The following USP12 variants were observed in gnomAD, a reference collection of about 807,000 sequenced individuals.
USP12 encodes the protein ubiquitin carboxyl-terminal hydrolase 12.
Under a neutral mutation model 45.5 loss-of-function variants are expected in USP12, and 19 were observed. The ratio of observed to expected loss-of-function variants is 0.42; its 90% CI spans 0.29 to 0.61. The LOEUF is 0.61. USP12 is among the 20% of genes least tolerant of loss of function. USP12 has a pLI of 0.22. For synonymous variants in USP12, 149 were observed against 148.8 expected (o/e 1.00, Z -0.01); for missense variants, 242 against 447.7 (o/e 0.54, Z 4.15).
chr13:27,078,826 A>G (rs1353849915), intron 6 of USP12, among the ~76,000 whole-genome samples: 1 of 152,156 alleles, frequency 6.6e-6, no homozygotes, highest in African/African-American at 2.4e-5. Flanking sequence ...TAAGGATAGG[A>G]AAATATGAAC....
At chr13:27,094,304 G>A (rs1011820090) in intron 4 of USP12, among the ~76,000 whole-genome samples, 2 of 151,940 alleles carry the variant, frequency 1.3e-5, no homozygotes, top group African/African-American at 4.8e-5. Flanking sequence ...AGGAGTTCAA[G>A]ACCAGCCTGG....
Position 27,067,300 on chromosome 13 carries a change from C to G in USP12, c.*1983G>C, listed in dbSNP as rs1873041354. The G allele has an allele frequency of 6.6e-6, 1 of 152,124 alleles. No individual in the cohort carries two copies. Among genetic ancestry groups the G allele is most frequent in the Admixed American group, 6.6e-5 (1 of 15,266 alleles). The allele number at this position is 152,124 out of a possible 1,614,324, so 9.4% of individuals were successfully genotyped here. On this transcript the variant is annotated 3_prime_UTR_variant, in exon 9 of 9. Coordinates refer to ENST00000282344, the MANE Select transcript of USP12 (RefSeq NM_182488.4). ...TGTACCGAAAGCTGCAGAAATACAG[C>G]TTTAATTCCAAGACAATTTGGTTTA...
At chr13:27,123,709 C>T (rs1400356884) in intron 1 of USP12, among the ~76,000 whole-genome samples, 1 of 152,252 alleles carries the variant, frequency 6.6e-6, no homozygotes, top group Non-Finnish European at 1.5e-5. Context: ...CCATGTAAGA[C>T]ATGCCTTTGC....
intron 1 of USP12, among the ~76,000 whole-genome samples, chr13:27,166,475 A>G (rs569634319): frequency 4.7e-4 from 71 of 152,338 alleles, no homozygotes; most frequent in Non-Finnish European, 9.0e-4. Flanking sequence ...CTAGAATCAA[A>G]TAAGGCAACA....
intron 6 of USP12, among the ~76,000 whole-genome samples, chr13:27,084,702 G>GT (rs1873932902): frequency 6.6e-6 from 1 of 152,074 alleles, no homozygotes; most frequent in South Asian, 2.1e-4. Flanking sequence ...TCAGTTGCCT[G>GT]TATATGTATG....
chr13:27,134,581 T>C (rs941713419), intron 1 of USP12, among the ~76,000 whole-genome samples: 2 of 152,036 alleles, frequency 1.3e-5, no homozygotes, highest in Non-Finnish European at 2.9e-5. Context: ...AATTACTTCA[T>C]TTTGAACAAC....
At chr13:27,098,029 AGG>A (rs1874680369) in intron 3 of USP12, among the ~76,000 whole-genome samples, 1 of 145,270 alleles carries the variant, frequency 6.9e-6, no homozygotes, top group African/African-American at 2.6e-5. Flanking sequence ...CTTGTTGCCC[AGG>A]ATGGAGTGCA....
intron 1 of USP12, among the ~76,000 whole-genome samples, chr13:27,165,841 T>C (rs7982273): frequency 0.46 from 70,462 of 151,944 alleles, 17,181 homozygotes; most frequent in East Asian, 0.8. Flanking sequence ...TCTTGCTTAA[T>C]TATGTCTGAT....
intron 1 of USP12, among the ~76,000 whole-genome samples, chr13:27,154,798 G>A (rs995851348): frequency 6.6e-6 from 1 of 152,112 alleles, no homozygotes; most frequent in Non-Finnish European, 1.5e-5. Flanking sequence ...AGATTACCCA[G>A]GTGAGCCCTA....
chr13:27,070,259 A>G (rs1333394999), intron 8 of USP12, among the ~76,000 whole-genome samples: 1 of 152,180 alleles, frequency 6.6e-6, no homozygotes, highest in Non-Finnish European at 1.5e-5. Context: ...AATTAATCAT[A>G]ATGATAGAAG....
At chr13:27,128,119 T>TAAAG (rs1195584731) in intron 1 of USP12, among the ~76,000 whole-genome samples, 1 of 152,224 alleles carries the variant, frequency 6.6e-6, no homozygotes, top group Non-Finnish European at 1.5e-5. Flanking sequence ...GGATTTACCT[T>TAAAG]AAGTCTTTTA....
intron 1 of USP12, among the ~76,000 whole-genome samples, chr13:27,158,538 C>T (rs1164949614): frequency 6.6e-6 from 1 of 152,198 alleles, no homozygotes; most frequent in Admixed American, 6.5e-5. Flanking sequence ...CCACTACACA[C>T]TTAGGCTATG....
intron 1 of USP12, among the ~76,000 whole-genome samples, chr13:27,141,152 A>C (rs1239016345): frequency 6.6e-6 from 1 of 151,318 alleles, no homozygotes; most frequent in Non-Finnish European, 1.5e-5. Context: ...AGTAGCTGGG[A>C]CTACAGGTGC....
chr13:27,071,279 C>A (rs73155860), intron 7 of USP12, 130 bp from the exon 8 acceptor site: 22,930 of 702,010 alleles, frequency 0.033, 525 homozygotes, highest in Non-Finnish European at 0.037. Flanking sequence ...TTTTTTATAC[C>A]CCTTACCTAT....
chr13:27,076,954 A>C (rs1873517650), intron 6 of USP12, among the ~76,000 whole-genome samples: 1 of 152,202 alleles, frequency 6.6e-6, no homozygotes, highest in African/African-American at 2.4e-5. Context: ...TGTCTCAGTA[A>C]TCCTATTTCT....
At chr13:27,085,587 C>A (rs560085041) in intron 6 of USP12, among the ~76,000 whole-genome samples, 37 of 152,114 alleles carry the variant, frequency 2.4e-4, no homozygotes, top group Non-Finnish European at 4.7e-4. Context: ...GAAGTGAATT[C>A]ATCCAAGTAA....
chr13:27,147,170 G>T (rs778954794), intron 1 of USP12, among the ~76,000 whole-genome samples: 19 of 152,100 alleles, frequency 1.2e-4, no homozygotes, highest in Admixed American at 2.6e-4. Context: ...CCTAGGAAAC[G>T]AATACACCAT....
At position 27,116,585 on chromosome 13, in the gene USP12, A is replaced by G; in HGVS notation, c.60T>C (p.Ala20=). 6.2e-7 allele frequency: 1 copy of G among 1,612,374 alleles called. No individual in the cohort carries two copies. Among genetic ancestry groups the G allele is most frequent in the South Asian group, 1.1e-5 (1 of 90,944 alleles). The stretch of plus-strand genomic sequence containing the variant: ...GACCAATCTCTTTCTCTAATGCCGA[A>G]GCATTGGCGCCCTATAAAATGAAAA... ...FASICTMGAN[A]SALEKEIGPE... Residue 20 remains alanine (A), a synonymous_variant, in exon 2 of 9, where the codon GCT becomes GCC. Coordinates refer to ENST00000282344, the MANE Select transcript of USP12 (RefSeq NM_182488.4).
At chr13:27,075,087 GA>G in intron 7 of USP12, 103 bp downstream of exon 7, 11 of 1,068,538 alleles carry the variant, frequency 1.0e-5, no homozygotes, top group Non-Finnish European at 1.4e-5. Flanking sequence ...AGAGAATACA[GA>G]ATTTCTAAAA....
Sources: gnomAD v4.1 joint callset for allele counts (sites outside exome capture counted in the v4.1 genomes callset) on GRCh38, gnomAD v4.1.1 for gene constraint, MANE v1.5 for transcripts, NCBI Gene and HGNC (gene_info 2026-07-23, HGNC 2026-07-21) for gene names.